NUBPL: variants seen among roughly 807,000 people sequenced by gnomAD.
The protein encoded by NUBPL is iron-sulfur cluster transfer protein NUBPL.
A neutral mutation model predicts 45.7 loss-of-function variants in NUBPL; 31 were observed. The ratio of observed to expected loss-of-function variants is 0.68; its 90% CI spans 0.51 to 0.92. NUBPL has a LOEUF of 0.92. Among genes scored for constraint, NUBPL ranks in the 40% least tolerant of loss-of-function variants. The pLI is 0.00. For synonymous variants in NUBPL, 144 were observed against 140.9 expected (o/e 1.02, Z -0.15); for missense variants, 401 against 398.7 (o/e 1.01, Z -0.05).
chr14:31,564,701 A>T (rs1595283044), intron 2 of NUBPL, among the ~76,000 whole-genome samples: 3 of 151,978 alleles, frequency 2.0e-5, no homozygotes, highest in African/African-American at 7.2e-5. Flanking sequence ...ACATGATTTT[A>T]AAAAATTAAG....
At chr14:31,620,032 T>A (rs559437437) in intron 4 of NUBPL, among the ~76,000 whole-genome samples, 2 of 152,092 alleles carry the variant, frequency 1.3e-5, no homozygotes, top group South Asian at 4.1e-4. Flanking sequence ...TTCATTGAGT[T>A]GATCTTCAAT....
At chr14:31,841,583 C>T (rs2040369453) in intron 8 of NUBPL, among the ~76,000 whole-genome samples, 1 of 152,048 alleles carries the variant, frequency 6.6e-6, no homozygotes, top group African/African-American at 2.4e-5. Context: ...ATAGCTTGCC[C>T]TTTCACTCTT....
intron 6 of NUBPL, among the ~76,000 whole-genome samples, chr14:31,739,247 T>TAC: frequency 1.0e-5 from 1 of 100,342 alleles, no homozygotes; most frequent in Non-Finnish European, 1.8e-5. Flanking sequence ...ATTCTATATA[T>TAC]ATATATTTTT....
chr14:31,781,100 T>C (rs2039184193), intron 6 of NUBPL, among the ~76,000 whole-genome samples: 1 of 152,224 alleles, frequency 6.6e-6, no homozygotes, highest in Non-Finnish European at 1.5e-5. Context: ...ATTTGGATCC[T>C]GGGAGAACCT....
At chr14:31,658,050 A>G (rs1213098086) in intron 4 of NUBPL, among the ~76,000 whole-genome samples, 3 of 152,238 alleles carry the variant, frequency 2.0e-5, no homozygotes, top group African/African-American at 7.2e-5. Context: ...CTACTGTTTA[A>G]AAGATGATTC....
chr14:31,762,839 A>G (rs2038841902), intron 6 of NUBPL, among the ~76,000 whole-genome samples: 1 of 152,066 alleles, frequency 6.6e-6, no homozygotes, highest in Non-Finnish European at 1.5e-5. Flanking sequence ...TTTGGAGCAC[A>G]TGACTTTCAG....
chr14:31,726,517 C>A (rs2037929218), intron 6 of NUBPL, among the ~76,000 whole-genome samples: 6 of 152,178 alleles, frequency 3.9e-5, no homozygotes, highest in Admixed American at 3.9e-4. Flanking sequence ...GTCAGGCATT[C>A]AGGGTTTTTT....
intron 3 of NUBPL, among the ~76,000 whole-genome samples, chr14:31,575,059 T>A (rs1230467937): frequency 6.6e-6 from 1 of 152,184 alleles, no homozygotes; most frequent in South Asian, 2.1e-4. Flanking sequence ...CTCAAAGCAT[T>A]TATTTTTTTC....
intron 6 of NUBPL, among the ~76,000 whole-genome samples, chr14:31,697,389 T>C (rs1219053533): frequency 2.0e-5 from 3 of 152,214 alleles, no homozygotes; most frequent in African/African-American, 7.2e-5. Context: ...ATAGTGAGGC[T>C]GAAGTAATTT....
intron 6 of NUBPL, among the ~76,000 whole-genome samples, chr14:31,732,981 C>G (rs547494629): frequency 5.6e-4 from 85 of 152,126 alleles, no homozygotes; most frequent in African/African-American, 1.9e-3. Context: ...TGAGGAAATT[C>G]TATGTTTTCA....
intron 6 of NUBPL, among the ~76,000 whole-genome samples, chr14:31,779,119 A>T (rs1011774232): frequency 5.3e-5 from 8 of 151,774 alleles, no homozygotes; most frequent in Non-Finnish European, 1.0e-4. Flanking sequence ...AGGCGGGTGG[A>T]TTACCTGAGG....
intron 4 of NUBPL, among the ~76,000 whole-genome samples, chr14:31,610,479 A>T (rs2034722686): frequency 6.6e-6 from 1 of 151,976 alleles, no homozygotes; most frequent in Admixed American, 6.6e-5. Flanking sequence ...GCTGAATTCT[A>T]CCAAATATTT....
In NUBPL at chr14:31,850,267, G is replaced by C. The variant is rs1001432425; in HGVS notation, c.897+66G>C. ...TGTACTTTTGAAATACAGAAAGAAA[G>C]TTGGGAAGATTAAGCGTTTATATTT... On this transcript the variant is annotated intron_variant, in intron 10 of 10. Transcript: ENST00000281081. 6 of 1,270,966 alleles carry C rather than the reference G, an allele frequency of 4.7e-6. No homozygotes were observed. The African/African-American group carries it at 8.8e-5, about 19-fold the overall frequency. The allele number at this position is 1,270,966 out of a possible 1,614,324, so 78.7% of individuals were successfully genotyped here.
intron 6 of NUBPL, among the ~76,000 whole-genome samples, chr14:31,782,182 G>T (rs1008396243): frequency 6.6e-6 from 1 of 151,886 alleles, no homozygotes; most frequent in East Asian, 1.9e-4. Flanking sequence ...ATATCACGAG[G>T]TTAGGAGTTC....
At chr14:31,756,244 T>C (rs2038660342) in intron 6 of NUBPL, among the ~76,000 whole-genome samples, 1 of 152,202 alleles carries the variant, frequency 6.6e-6, no homozygotes, top group Admixed American at 6.5e-5. Context: ...AGGAAAGTCA[T>C]TGGTAGCTTG....
At position 31,657,488 on chromosome 14, in the gene NUBPL, G is replaced by A. The variant is rs542713437; in HGVS notation, c.383-15867G>A. Among the ~76,000 whole-genome samples the A allele has an allele frequency of 2.6e-5, 4 of 152,320 alleles. No homozygotes were observed. In the South Asian group the frequency reaches 8.3e-4, roughly 32 times the overall value. On this transcript the variant is annotated intron_variant, in intron 4 of 10. Coordinates refer to ENST00000281081, the MANE Select transcript of NUBPL (RefSeq NM_025152.3). ...TTATAAAGGCCACACCGAAGCCAGT[G>A]TCTTGTCTTTGGCTGTACCTCTATT...
chr14:31,749,523 A>G (rs968872517), intron 6 of NUBPL, among the ~76,000 whole-genome samples: 1 of 152,048 alleles, frequency 6.6e-6, no homozygotes, highest in Non-Finnish European at 1.5e-5. Flanking sequence ...GTATCATCCT[A>G]TTCTCTTCTG....
intron 8 of NUBPL, among the ~76,000 whole-genome samples, chr14:31,832,532 G>A (rs1034907860): frequency 3.5e-4 from 53 of 152,196 alleles, no homozygotes; most frequent in Middle Eastern, 3.4e-3. Context: ...TGAGAGTTGT[G>A]ATTTAATAGT....
At chr14:31,701,689 G>T (rs1460679554) in intron 6 of NUBPL, among the ~76,000 whole-genome samples, 1 of 152,124 alleles carries the variant, frequency 6.6e-6, no homozygotes, top group African/African-American at 2.4e-5. Context: ...CACTGTGAAG[G>T]TCTGTAGCTT....
Sources: allele counts gnomAD v4.1 joint callset (sites outside exome capture counted in the v4.1 genomes callset), GRCh38; gene constraint gnomAD v4.1.1; transcripts MANE v1.5; gene names NCBI Gene and HGNC (gene_info 2026-07-23, HGNC 2026-07-21).